LY86: variants seen among roughly 807,000 people sequenced by gnomAD.
The protein encoded by LY86 is MD-1, RP105-associated.
In LY86, 20 loss-of-function variants were observed where a neutral mutation model predicts 17.3. The observed-to-expected ratio is 1.15, with a 90% CI of 0.81 to 1.68. LY86 has a LOEUF of 1.68. Ranked by LOEUF, LY86 falls within the 40% of genes most tolerant of loss-of-function variation. LY86 has a pLI of 0.00. For missense variants in LY86, 200 were observed against 191.9 expected (o/e 1.04, Z -0.25); for synonymous variants, 74 against 70.6 (o/e 1.05, Z -0.24).
intron 1 of LY86, among the ~76,000 whole-genome samples, chr6:6,601,020 A>G (rs1227930736): frequency 6.6e-6 from 1 of 152,206 alleles, no homozygotes; most frequent in Admixed American, 6.5e-5. Context: ...TCCAAAAAAT[A>G]CCTGAGGGGA....
chr6:6,603,639 A>C (rs1760997483), intron 1 of LY86, among the ~76,000 whole-genome samples: 1 of 145,144 alleles, frequency 6.9e-6, no homozygotes, highest in Non-Finnish European at 1.5e-5. Flanking sequence ...CAAAACACAC[A>C]CACACACACA....
At chr6:6,619,744 A>G (rs973153060) in intron 1 of LY86, among the ~76,000 whole-genome samples, 2 of 152,218 alleles carry the variant, frequency 1.3e-5, no homozygotes, top group African/African-American at 4.8e-5. Flanking sequence ...ATGAATGTTA[A>G]GATGTGTTTG....
rs551252916 is a variant in LY86 at position 6,612,590 on chromosome 6, T to G, written c.137-12336T>G. Among the ~76,000 whole-genome samples, 383 of 147,188 alleles carry G rather than the reference T, an allele frequency of 2.6e-3. 2 individuals are homozygous for G. The highest frequency in any genetic ancestry group is 4.0e-3 in the Admixed American group (60 of 15,032). Reference sequence around the variant, plus strand: ...TAGTGGAGCCTGCAGCCTGACTTTATTCTCTTATCTGGCCCCTCCCACATC... The same window carrying G: ...TAGTGGAGCCTGCAGCCTGACTTTAGTCTCTTATCTGGCCCCTCCCACATC... On this transcript the variant is annotated intron_variant, in intron 1 of 4. Coordinates refer to ENST00000230568, the MANE Select transcript of LY86 (RefSeq NM_004271.4).
At chr6:6,595,749 A>G (rs926988562) in intron 1 of LY86, among the ~76,000 whole-genome samples, 1 of 152,194 alleles carries the variant, frequency 6.6e-6, no homozygotes, top group African/African-American at 2.4e-5. Context: ...ATCATTAAGA[A>G]CAGCATATTT....
chr6:6,610,573 C>T (rs889921895), intron 1 of LY86, among the ~76,000 whole-genome samples: 14 of 152,114 alleles, frequency 9.2e-5, no homozygotes, highest in Non-Finnish European at 1.9e-4. Flanking sequence ...CTAGCTGATG[C>T]CCTGATTTAC....
Position 6,626,568 on chromosome 6 carries a change from C to T in LY86, c.352+147C>T, listed in dbSNP as rs1761793065. On this transcript the variant is annotated intron_variant, in intron 3 of 4. Transcript: ENST00000230568. ...TATCCTCACTTATCAGCATGTGTTG[C>T]AGAAAAATAACAATAAGGCCCATTC... 1.9e-5 allele frequency: 16 copies of T among 839,614 alleles called. No individual in the cohort carries two copies. The South Asian group carries it at 2.2e-4, about 12-fold the overall frequency. 52.0% of individuals were successfully genotyped at this position (839,614 alleles called of 1,614,324 possible).
chr6:6,623,484 T>A (rs1347779861), intron 1 of LY86, among the ~76,000 whole-genome samples: 1 of 152,158 alleles, frequency 6.6e-6, no homozygotes, highest in Non-Finnish European at 1.5e-5. Context: ...CTTCTTCGAC[T>A]CCAGCCTCCA....
chr6:6,605,886 G>T (rs1450661820), intron 1 of LY86, among the ~76,000 whole-genome samples: 2 of 148,336 alleles, frequency 1.3e-5, no homozygotes, highest in African/African-American at 5.3e-5. Context: ...TTCTCGCGGT[G>T]GGTTCTTAGT....
chr6:6,614,390 T>A (rs956264526), intron 1 of LY86, among the ~76,000 whole-genome samples: 22 of 152,002 alleles, frequency 1.4e-4, no homozygotes, highest in Non-Finnish European at 2.9e-4. Flanking sequence ...TTTTTTTTTT[T>A]TTATTTGAGT....
chr6:6,612,400 G>A (rs757786564), intron 1 of LY86, among the ~76,000 whole-genome samples: 2 of 152,182 alleles, frequency 1.3e-5, no homozygotes, highest in Non-Finnish European at 2.9e-5. Flanking sequence ...CCCCCAGTGG[G>A]TACCTAGTCT....
rs1761786822 is a variant in LY86, at chr6:6,626,309, GC to G, written c.241del (p.Leu81PhefsTer5). 3.1e-6 allele frequency: 5 copies of G among 1,613,924 alleles called. No individual in the cohort carries two copies. Among genetic ancestry groups the G allele is most frequent in the Non-Finnish European group, 4.2e-6 (5 of 1,179,996 alleles). On this transcript the variant is annotated frameshift_variant, in exon 3 of 5. Coordinates refer to ENST00000230568, the MANE Select transcript of LY86 (RefSeq NM_004271.4). LOFTEE classifies it high-confidence loss of function. ...TTCCTCCAGGAGAGGACATCAAAGA[GC>G]TTTTTCTTGACCTAGCTCTCATGTC... is the stretch of plus-strand genomic sequence containing the variant. ...GIILREDIKELFLDLALMSQG... is the reference protein window; with the variant it reads ...GIILREDIKEXFLDLALMSQG...
chr6:6,621,545 TA>T (rs1370677080), intron 1 of LY86: 1 of 152,170 alleles, frequency 6.6e-6, no homozygotes, highest in Admixed American at 6.5e-5. Flanking sequence ...GATACTTTGG[TA>T]AGGTCTAGAG....
In LY86 at chr6:6,602,408, C is replaced by T. The variant is rs1029631472; in HGVS notation, c.136+13538C>T. 3.1e-4 allele frequency among the ~76,000 whole-genome samples: 47 copies of T among 152,194 alleles called. 1 individual carries two copies. The highest frequency in any genetic ancestry group is 1.9e-4 in the East Asian group (1 of 5,200). On this transcript the variant is annotated intron_variant, in intron 1 of 4. Transcript: ENST00000230568. ...CCAAAAGACAGCCGAAGGCAAGAAA[C>T]CTGGTGTAAATTACTCTGGTGATGA...
chr6:6,604,314 C>G (rs769336401), intron 1 of LY86, among the ~76,000 whole-genome samples: 4 of 151,560 alleles, frequency 2.6e-5, no homozygotes, highest in African/African-American at 9.7e-5. Flanking sequence ...ATAAAAGATA[C>G]AGTATATAAA....
intron 3 of LY86, among the ~76,000 whole-genome samples, chr6:6,644,473 G>T (rs556822055): frequency 8.6e-5 from 13 of 151,924 alleles, no homozygotes; most frequent in African/African-American, 3.1e-4. Context: ...GCAATGAACC[G>T]AGATTGCACA....
chr6:6,599,009 C>T lies in LY86; in HGVS notation c.136+10139C>T, dbSNP rs3804467. Among the ~76,000 whole-genome samples, 1,192 of 152,264 alleles carry T rather than the reference C, an allele frequency of 7.8e-3. 12 individuals carry two copies. The highest frequency in any genetic ancestry group is 0.049 in the East Asian group (254 of 5,180). ...TATGGGACCACTTGAGCTGATCAGT[C>T]CTTCTGTTCCATTTTTCCCAAGACT... On this transcript the variant is annotated intron_variant, in intron 1 of 4. Coordinates refer to ENST00000230568, the MANE Select transcript of LY86 (RefSeq NM_004271.4).
intron 3 of LY86, among the ~76,000 whole-genome samples, chr6:6,636,892 CAAA>C (rs3842507): frequency 0.36 from 47,577 of 131,288 alleles, 7,741 homozygotes; most frequent in Middle Eastern, 0.46. Context: ...CCTCGAACTG[CAAA>C]AAAAAAAAAA....
At chr6:6,590,634 T>C (rs1760494979) in intron 1 of LY86, among the ~76,000 whole-genome samples, 1 of 152,186 alleles carries the variant, frequency 6.6e-6, no homozygotes, top group Non-Finnish European at 1.5e-5. Flanking sequence ...TCACATCTGC[T>C]GTTAGAGGGA....
chr6:6,614,839 G>C (rs903882148), intron 1 of LY86, among the ~76,000 whole-genome samples: 1 of 152,092 alleles, frequency 6.6e-6, no homozygotes, highest in African/African-American at 2.4e-5. Flanking sequence ...TTGGGTAACT[G>C]CCAAGGTTCC....
Sources: gnomAD v4.1 joint callset for allele counts (sites outside exome capture counted in the v4.1 genomes callset) on GRCh38, gnomAD v4.1.1 for gene constraint, MANE v1.5 for transcripts, NCBI Gene and HGNC (gene_info 2026-07-23, HGNC 2026-07-21) for gene names.